MTREX: variants seen among roughly 807,000 people sequenced by gnomAD.
MTREX encodes the protein exosome RNA helicase MTR4.
A neutral mutation model predicts 135.4 loss-of-function variants in MTREX; 76 were observed. The ratio of observed to expected loss-of-function variants is 0.56; its 90% CI spans 0.47 to 0.68. MTREX has a LOEUF of 0.68. MTREX is among the 30% of genes least tolerant of loss of function. MTREX has a pLI of 0.00. For synonymous variants in MTREX, 404 were observed against 401.6 expected (o/e 1.01, Z -0.07); for missense variants, 920 against 1,262.1 (o/e 0.73, Z 4.11).
chr5:55,353,090 T>C (rs9292089), intron 13 of MTREX, 78 bp from the exon 14 acceptor site: 87,662 of 820,512 alleles, frequency 0.11, 5,715 homozygotes, highest in East Asian at 0.26. Flanking sequence ...AGATTAATAA[T>C]GCATTTACTT....
At chr5:55,324,961 G>A (rs1156882298) in intron 3 of MTREX, among the ~76,000 whole-genome samples, 1 of 152,112 alleles carries the variant, frequency 6.6e-6, no homozygotes, top group Non-Finnish European at 1.5e-5. Context: ...GCTATTTCAT[G>A]TCTTGCTCCA....
At chr5:55,398,469 G>A (rs979825622) in intron 20 of MTREX, among the ~76,000 whole-genome samples, 6 of 152,084 alleles carry the variant, frequency 3.9e-5, no homozygotes, top group African/African-American at 1.4e-4. Context: ...TTATGTAGAT[G>A]TGGATATCTT....
At chr5:55,361,872 C>T (rs368743565) in intron 15 of MTREX, among the ~76,000 whole-genome samples, 2 of 151,778 alleles carry the variant, frequency 1.3e-5, no homozygotes, top group South Asian at 2.1e-4. Flanking sequence ...GGATTACGGG[C>T]GTGAGCCACC....
Position 55,347,231 on chromosome 5 carries a change from T to C in MTREX, c.1240+87T>C, listed in dbSNP as rs949605146. ...AGTAATATTTTTATCTGTTACATAT[T>C]ACTAGGATATGCCATTCACCTTACA... On this transcript the variant is annotated intron_variant, in intron 11 of 26. Transcript: ENST00000230640. 26 of 1,316,998 alleles carry C rather than the reference T, an allele frequency of 2.0e-5. 1 individual carries two copies. In the African/African-American group the frequency reaches 3.5e-4, roughly 18 times the overall value. The allele number at this position is 1,316,998 out of a possible 1,614,324, so 81.6% of individuals were successfully genotyped here.
chr5:55,407,057 A>G (rs937735356), intron 22 of MTREX, among the ~76,000 whole-genome samples: 2 of 152,346 alleles, frequency 1.3e-5, no homozygotes, highest in South Asian at 4.1e-4. Flanking sequence ...TTCTCAGTGA[A>G]TATATAAAAG....
chr5:55,326,929 A>G (rs1418641827), intron 3 of MTREX, among the ~76,000 whole-genome samples: 1 of 151,988 alleles, frequency 6.6e-6, no homozygotes, highest in African/African-American at 2.4e-5. Context: ...ACTCCCACTT[A>G]CGAGTGAGAA....
intron 11 of MTREX, 102 bp from the exon 12 acceptor site, chr5:55,349,470 TG>T (rs1239880828): frequency 2.8e-6 from 2 of 704,670 alleles, no homozygotes; most frequent in Non-Finnish European, 5.0e-6. Flanking sequence ...ATTACAAGCT[TG>T]GGACACCACG....
intron 1 of MTREX, among the ~76,000 whole-genome samples, chr5:55,308,512 T>G (rs973138066): frequency 1.3e-5 from 2 of 151,986 alleles, no homozygotes; most frequent in Non-Finnish European, 2.9e-5. Flanking sequence ...AAAAATGATA[T>G]GAATTGATTT....
chr5:55,416,723 T>A (rs1308205003), intron 25 of MTREX, among the ~76,000 whole-genome samples: 1 of 152,196 alleles, frequency 6.6e-6, no homozygotes, highest in Non-Finnish European at 1.5e-5. Flanking sequence ...AACCATATTT[T>A]AAAATGCTGC....
chr5:55,311,937 G>A (rs970796161), intron 1 of MTREX, among the ~76,000 whole-genome samples: 16 of 152,152 alleles, frequency 1.1e-4, no homozygotes, highest in African/African-American at 3.4e-4. Context: ...ATACTGGACT[G>A]CTCTGATCTA....
Position 55,410,804 on chromosome 5 carries a change from A to G in MTREX, c.2751+175A>G, listed in dbSNP as rs182044027. Among the ~76,000 whole-genome samples the G allele has an allele frequency of 9.2e-5, 14 of 152,368 alleles. No individual in the cohort carries two copies. In the East Asian group the frequency reaches 2.5e-3, roughly 27 times the overall value. Reference sequence around the variant, plus strand: ...AAGAAAATTAAATGATTAAATACGTATTATTAGAAAGGAGAATAAAATAAG... The same window carrying G: ...AAGAAAATTAAATGATTAAATACGTGTTATTAGAAAGGAGAATAAAATAAG... On this transcript the variant is annotated intron_variant, in intron 23 of 26. Coordinates refer to ENST00000230640, the MANE Select transcript of MTREX (RefSeq NM_015360.5).
chr5:55,414,146 T>TGGG, intron 23 of MTREX, 36 bp from the exon 24 acceptor site: 2 of 1,468,596 alleles, frequency 1.4e-6, no homozygotes. Flanking sequence ...ACTTTAAACG[T>TGGG]GGGTTTTTAT....
At chr5:55,312,006 AAT>A (rs1358684220) in intron 1 of MTREX, among the ~76,000 whole-genome samples, 1 of 152,140 alleles carries the variant, frequency 6.6e-6, no homozygotes, top group East Asian at 1.9e-4. Flanking sequence ...ATAATGTCTG[AAT>A]ATTCTACTGT....
intron 5 of MTREX, among the ~76,000 whole-genome samples, chr5:55,339,357 G>A (rs193025058): frequency 6.6e-6 from 1 of 152,130 alleles, no homozygotes; most frequent in East Asian, 1.9e-4. Context: ...TGGCTGGGAT[G>A]AATGTTATTT....
intron 22 of MTREX, among the ~76,000 whole-genome samples, chr5:55,409,025 C>T (rs1750848450): frequency 6.6e-6 from 1 of 152,086 alleles, no homozygotes; most frequent in South Asian, 2.1e-4. Flanking sequence ...GATCATGGCT[C>T]AGTGCAGTCT....
At chr5:55,375,300 G>C (rs2112095477) in intron 16 of MTREX, among the ~76,000 whole-genome samples, 1 of 152,290 alleles carries the variant, frequency 6.6e-6, no homozygotes, top group East Asian at 1.9e-4. Flanking sequence ...CGCTATGGGA[G>C]ACTGGGGTCT....
intron 6 of MTREX, among the ~76,000 whole-genome samples, chr5:55,341,419 C>T (rs1749647996): frequency 6.6e-6 from 1 of 152,134 alleles, no homozygotes; most frequent in South Asian, 2.1e-4. Context: ...TGGATTGTAT[C>T]TGATTAGTAA....
At chr5:55,359,164 A>G (rs928859206) in intron 15 of MTREX, among the ~76,000 whole-genome samples, 1 of 152,166 alleles carries the variant, frequency 6.6e-6, no homozygotes. Context: ...AAATATCCCA[A>G]TCAAAAAGGA....
At chr5:55,318,694 A>T (rs1263740447) in intron 1 of MTREX, among the ~76,000 whole-genome samples, 1 of 152,154 alleles carries the variant, frequency 6.6e-6, no homozygotes, top group Non-Finnish European at 1.5e-5. Flanking sequence ...TGATGAAATA[A>T]TATGTACAAC....
Sources: allele counts gnomAD v4.1 joint callset (sites outside exome capture counted in the v4.1 genomes callset), GRCh38; gene constraint gnomAD v4.1.1; transcripts MANE v1.5; gene names NCBI Gene and HGNC (gene_info 2026-07-23, HGNC 2026-07-21).